NRG3: variants seen among roughly 807,000 people sequenced by gnomAD.
NRG3 encodes the protein neuregulin 3.
In NRG3, 31 loss-of-function variants were observed where a neutral mutation model predicts 66.9. That is an observed-to-expected ratio of 0.46 (90% CI 0.35 to 0.63). The LOEUF is 0.63. NRG3 is among the 20% of genes least tolerant of loss of function. The pLI, the probability that NRG3 is intolerant of heterozygous loss-of-function variation, is 0.00. For missense variants in NRG3, 910 were observed against 878.9 expected (o/e 1.04, Z -0.45); for synonymous variants, 393 against 359.4 (o/e 1.09, Z -1.06).
intron 1 of NRG3, among the ~76,000 whole-genome samples, chr10:82,220,738 G>A (rs1405851278): frequency 1.3e-5 from 2 of 152,130 alleles, no homozygotes; most frequent in African/African-American, 4.8e-5. Flanking sequence ...AGTTATAGCT[G>A]AGCATCATAG....
At chr10:82,321,342 C>T (rs1235573344) in intron 1 of NRG3, among the ~76,000 whole-genome samples, 1 of 151,948 alleles carries the variant, frequency 6.6e-6, no homozygotes, top group Non-Finnish European at 1.5e-5. Flanking sequence ...CACCTGCAGC[C>T]CCCCAAATAA....
chr10:82,717,439 G>A (rs913826955), intron 2 of NRG3, among the ~76,000 whole-genome samples: 17 of 120,810 alleles, frequency 1.4e-4, no homozygotes, highest in East Asian at 2.7e-4. Context: ...TTGCTGTGTC[G>A]CCCAGGCTAG....
intron 2 of NRG3, among the ~76,000 whole-genome samples, chr10:82,530,958 T>C (rs763801874): frequency 1.3e-5 from 2 of 151,874 alleles, no homozygotes; most frequent in Non-Finnish European, 2.9e-5. Flanking sequence ...TTGCATCTTG[T>C]TAAAATTATT....
intron 2 of NRG3, among the ~76,000 whole-genome samples, chr10:82,404,915 C>G (rs75972292): frequency 1.3e-5 from 2 of 152,136 alleles, no homozygotes; most frequent in Non-Finnish European, 2.9e-5. Flanking sequence ...TCTGGTAGAG[C>G]GAGAGTGCTT....
At chr10:82,979,206 A>T in intron 8 of NRG3, 86 bp downstream of exon 8, 1 of 1,362,844 alleles carries the variant, frequency 7.3e-7, no homozygotes, top group Non-Finnish European at 1.0e-6. Context: ...TTGGGGTTTT[A>T]TTCATTGATT....
At chr10:82,468,723 G>A (rs1392753541) in intron 2 of NRG3, among the ~76,000 whole-genome samples, 3 of 152,140 alleles carry the variant, frequency 2.0e-5, no homozygotes, top group African/African-American at 4.8e-5. Context: ...ATATCAGCAG[G>A]CACTTTAGAT....
At chr10:82,769,910 A>C (rs2059652483) in intron 3 of NRG3, among the ~76,000 whole-genome samples, 1 of 152,172 alleles carries the variant, frequency 6.6e-6, no homozygotes, top group Non-Finnish European at 1.5e-5. Flanking sequence ...TGATATTAAT[A>C]AACTTGCCAA....
chr10:82,498,558 C>T (rs1843833865), intron 2 of NRG3, among the ~76,000 whole-genome samples: 1 of 152,096 alleles, frequency 6.6e-6, no homozygotes, highest in Non-Finnish European at 1.5e-5. Flanking sequence ...TTTAAAATTG[C>T]TTTTCACCTT....
At chr10:82,550,479 A>G (rs1265061125) in intron 2 of NRG3, among the ~76,000 whole-genome samples, 1 of 152,066 alleles carries the variant, frequency 6.6e-6, no homozygotes, top group Non-Finnish European at 1.5e-5. Context: ...TCTTCTTTCC[A>G]TTAAATCCAG....
intron 2 of NRG3, among the ~76,000 whole-genome samples, chr10:82,548,952 G>T (rs879412340): frequency 1.3e-5 from 2 of 152,122 alleles, no homozygotes; most frequent in Non-Finnish European, 2.9e-5. Context: ...TACACATGCA[G>T]CTCTTGGATG....
chr10:82,298,037 G>A (rs922771542), intron 1 of NRG3, among the ~76,000 whole-genome samples: 1 of 152,120 alleles, frequency 6.6e-6, no homozygotes, highest in Non-Finnish European at 1.5e-5. Context: ...CCAACTACTG[G>A]AGAGGCTGAG....
chr10:82,460,646 G>T (rs2091469866), intron 2 of NRG3, among the ~76,000 whole-genome samples: 1 of 152,154 alleles, frequency 6.6e-6, no homozygotes, highest in Non-Finnish European at 1.5e-5. Context: ...TACACGTGCA[G>T]CAGGGTTATG....
chr10:81,946,009 T>G (rs1026815467), intron 1 of NRG3, among the ~76,000 whole-genome samples: 11 of 152,238 alleles, frequency 7.2e-5, no homozygotes, highest in Admixed American at 3.3e-4. Context: ...GAACCAACCT[T>G]GCTGATACCT....
chr10:82,745,992 A>T (rs539377517), intron 3 of NRG3, among the ~76,000 whole-genome samples: 1 of 152,102 alleles, frequency 6.6e-6, no homozygotes, highest in African/African-American at 2.4e-5. Flanking sequence ...TCTGGGCTCA[A>T]GTGAGCTTGC....
At chr10:82,741,489 A>C (rs976116299) in intron 3 of NRG3, among the ~76,000 whole-genome samples, 3 of 152,206 alleles carry the variant, frequency 2.0e-5, no homozygotes, top group Admixed American at 1.3e-4. Context: ...AGATAATGTC[A>C]GCCCACTTCC....
At chr10:82,436,626 A>G (rs1243744877) in intron 2 of NRG3, among the ~76,000 whole-genome samples, 1 of 152,098 alleles carries the variant, frequency 6.6e-6, no homozygotes, top group African/African-American at 2.4e-5. Flanking sequence ...GTTTCTCCAT[A>G]ATGTCATTGG....
At chr10:82,293,464 G>T (rs183603509) in intron 1 of NRG3, among the ~76,000 whole-genome samples, 1 of 152,228 alleles carries the variant, frequency 6.6e-6, no homozygotes, top group South Asian at 2.1e-4. Flanking sequence ...TCACACTTTG[G>T]TGATCCTAGA....
chr10:82,540,697 T>A (rs2132748278), intron 2 of NRG3, among the ~76,000 whole-genome samples: 1 of 152,130 alleles, frequency 6.6e-6, no homozygotes, highest in East Asian at 1.9e-4. Flanking sequence ...TATATAAAGA[T>A]ATGGAGTATA....
intron 2 of NRG3, among the ~76,000 whole-genome samples, chr10:82,469,187 T>C (rs536573402): frequency 2.0e-5 from 3 of 152,338 alleles, no homozygotes; most frequent in Admixed American, 6.5e-5. Context: ...TATTGCCTCC[T>C]TCATTCTTTC....
Sources: allele counts gnomAD v4.1 joint callset (sites outside exome capture counted in the v4.1 genomes callset), GRCh38; gene constraint gnomAD v4.1.1; transcripts MANE v1.5; gene names NCBI Gene and HGNC (gene_info 2026-07-23, HGNC 2026-07-21).